ERC1: variants seen among roughly 807,000 people sequenced by gnomAD.
The protein encoded by ERC1 is RAB6 interacting protein 2.
In ERC1, 56 loss-of-function variants were observed where a neutral mutation model predicts 132.0. The ratio of observed to expected loss-of-function variants is 0.42; its 90% CI spans 0.34 to 0.53. The LOEUF is 0.53. ERC1 is among the 20% of genes least tolerant of loss of function. The pLI is 0.03. For missense variants in ERC1, 1,202 were observed against 1,349.9 expected (o/e 0.89, Z 1.72); for synonymous variants, 478 against 476.1 (o/e 1.00, Z -0.05).
chr12:1,438,971 A>ATATATATATATATATATATATAT (rs879572392), intron 17 of ERC1, among the ~76,000 whole-genome samples: 2 of 144,438 alleles, frequency 1.4e-5, no homozygotes, highest in African/African-American at 5.7e-5. Context: ...ATATATATAT[A>ATATATATATATATATATATATAT]AAAAATGACA....
At chr12:1,231,471 A>G (rs1213570490) in intron 12 of ERC1, among the ~76,000 whole-genome samples, 1 of 152,170 alleles carries the variant, frequency 6.6e-6, no homozygotes, top group Non-Finnish European at 1.5e-5. Flanking sequence ...ACAGCATTGC[A>G]GTATTCTGAA....
intron 18 of ERC1, among the ~76,000 whole-genome samples, chr12:1,465,119 G>C (rs1156905732): frequency 6.6e-6 from 1 of 152,084 alleles, no homozygotes; most frequent in African/African-American, 2.4e-5. Context: ...CTGTAATCCA[G>C]GTCATTGAAC....
At chr12:1,137,915 TATATA>T (rs2154245840) in intron 7 of ERC1, among the ~76,000 whole-genome samples, 1 of 139,458 alleles carries the variant, frequency 7.2e-6, no homozygotes, top group East Asian at 2.1e-4. Context: ...TTATATGTAT[TATATA>T]ATACATATTA....
At chr12:1,338,011 C>G (rs1227118485) in intron 15 of ERC1, among the ~76,000 whole-genome samples, 1 of 152,076 alleles carries the variant, frequency 6.6e-6, no homozygotes, top group Non-Finnish European at 1.5e-5. Context: ...ATGATTATGT[C>G]TTGAGGATGT....
In ERC1 at chr12:1,341,069, C is replaced by CTTTT. The variant is rs35902573; in HGVS notation, c.2781-30725_2781-30722dup. Among the ~76,000 whole-genome samples the CTTTT allele has an allele frequency of 1.9e-3, 119 of 63,038 alleles. 18 individuals are homozygous for CTTTT. Among genetic ancestry groups the CTTTT allele is most frequent in the East Asian group, 0.012 (17 of 1,368 alleles). 41.4% of individuals were successfully genotyped at this position (63,038 alleles called of 152,430 possible). On this transcript the variant is annotated intron_variant, in intron 15 of 18. Transcript: ENST00000360905. Reference sequence around the variant, plus strand: ...AATGTCCACTTATTCTTTTCTTTTTCTTTTTTTTTTTTTTTTTTTTTTTTT... The same window carrying CTTTT: ...AATGTCCACTTATTCTTTTCTTTTTCTTTTTTTTTTTTTTTTTTTTTTTTTTTTT...
intron 12 of ERC1, among the ~76,000 whole-genome samples, chr12:1,219,513 A>G (rs1202183022): frequency 6.6e-6 from 1 of 152,232 alleles, no homozygotes; most frequent in East Asian, 1.9e-4. Flanking sequence ...CAATGATTCC[A>G]TTCGATTCTC....
intron 14 of ERC1, among the ~76,000 whole-genome samples, chr12:1,271,478 G>T (rs185022423): frequency 3.2e-3 from 483 of 152,186 alleles, no homozygotes; most frequent in Non-Finnish European, 5.3e-3. Context: ...AAAAATTTGA[G>T]GATAAGAAGC....
rs998453256 is a variant in ERC1, at chr12:1,421,880, G to C, written c.3024+13633G>C. ...AAAATACAAAAAAAAAAAAAAATTA[G>C]CTGGGTATGGTGGTGCGTGCCTGTA... On this transcript the variant is annotated intron_variant, in intron 17 of 18. Transcript: ENST00000360905. Among the ~76,000 whole-genome samples, 39 of 149,626 alleles carry C rather than the reference G, an allele frequency of 2.6e-4. 1 individual carries two copies. The highest frequency in any genetic ancestry group is 9.2e-4 in the African/African-American group (37 of 40,024).
chr12:1,180,179 C>G (rs1566162044), intron 8 of ERC1, among the ~76,000 whole-genome samples: 1 of 152,178 alleles, frequency 6.6e-6, no homozygotes, highest in African/African-American at 2.4e-5. Context: ...TCCTAGTCCT[C>G]ATGGCTTTCC....
At chr12:1,310,552 G>A (rs1438741914) in intron 15 of ERC1, among the ~76,000 whole-genome samples, 1 of 152,158 alleles carries the variant, frequency 6.6e-6, no homozygotes, top group African/African-American at 2.4e-5. Context: ...TTTATTACTA[G>A]AATCTCAATG....
intron 3 of ERC1, among the ~76,000 whole-genome samples, chr12:1,101,401 G>A (rs1460301665): frequency 6.6e-6 from 1 of 152,198 alleles, no homozygotes; most frequent in Non-Finnish European, 1.5e-5. Flanking sequence ...CGACATCACT[G>A]ACACTGCTCA....
intron 15 of ERC1, among the ~76,000 whole-genome samples, chr12:1,343,848 CA>C (rs970013219): frequency 1.0e-4 from 14 of 139,978 alleles, no homozygotes; most frequent in African/African-American, 2.0e-4. Flanking sequence ...TATGTAAAAA[CA>C]TTTTTTTTTT....
intron 1 of ERC1, among the ~76,000 whole-genome samples, chr12:1,024,179 G>A (rs1041584879): frequency 2.6e-5 from 4 of 152,166 alleles, no homozygotes; most frequent in African/African-American, 9.7e-5. Context: ...CCAGGAGTTC[G>A]AGACCAGACT....
At chr12:1,386,653 A>AAAAAAAAC (rs1162651740) in intron 16 of ERC1, 1 of 129,738 alleles carries the variant, frequency 7.7e-6, no homozygotes, top group Non-Finnish European at 1.7e-5. Flanking sequence ...CTTCGTCTCA[A>AAAAAAAAC]AAAAAAAAAA....
intron 10 of ERC1, among the ~76,000 whole-genome samples, 182 bp downstream of exon 10, chr12:1,182,247 T>C (rs1954562928): frequency 6.6e-6 from 1 of 152,222 alleles, no homozygotes; most frequent in Non-Finnish European, 1.5e-5. Flanking sequence ...CATAGCGGAT[T>C]GGTTCATTCA....
In ERC1 at chr12:1,486,384, A is replaced by G. The variant is rs148493906; in HGVS notation, c.3214-3709A>G. Among the ~76,000 whole-genome samples the G allele has an allele frequency of 1.0e-3, 153 of 151,772 alleles. 2 individuals carry two copies. The highest frequency in any genetic ancestry group is 3.6e-3 in the African/African-American group (150 of 41,426). ...TCTTGTTTTTTTTTCTTTATTTTCG[A>G]AAGTTTTTACAATATTTGTGAAGCA... On this transcript the variant is annotated intron_variant, in intron 18 of 18. Transcript: ENST00000360905.
At chr12:1,100,561 T>G (rs1188570505) in intron 3 of ERC1, among the ~76,000 whole-genome samples, 1 of 152,148 alleles carries the variant, frequency 6.6e-6, no homozygotes, top group African/African-American at 2.4e-5. Flanking sequence ...GTGGTAAGTT[T>G]CAGGATATAT....
intron 15 of ERC1, among the ~76,000 whole-genome samples, chr12:1,341,239 G>A (rs113022568): frequency 0.052 from 7,841 of 151,190 alleles, 340 homozygotes; most frequent in African/African-American, 0.12. Flanking sequence ...GACTACAGGC[G>A]CACGCCACCA....
chr12:1,395,407 GT>G (rs57837323), intron 16 of ERC1, among the ~76,000 whole-genome samples: 418 of 141,836 alleles, frequency 2.9e-3, no homozygotes, highest in East Asian at 7.4e-3. Context: ...AAATTTTGTA[GT>G]TTTTTTTTTT....
Sources: allele counts gnomAD v4.1 joint callset (sites outside exome capture counted in the v4.1 genomes callset), GRCh38; gene constraint gnomAD v4.1.1; transcripts MANE v1.5; gene names NCBI Gene and HGNC (gene_info 2026-07-23, HGNC 2026-07-21).